PARD3: variants seen among roughly 807,000 people sequenced by gnomAD.
PARD3 encodes par-3 family cell polarity regulator.
Under a neutral mutation model 155.4 loss-of-function variants are expected in PARD3, and 75 were observed. That is an observed-to-expected ratio of 0.48 (90% CI 0.40 to 0.58). PARD3 has a LOEUF of 0.58. Ranked by LOEUF, PARD3 falls within the 20% of genes least tolerant of loss-of-function variation. PARD3 has a pLI of 0.00. For missense variants in PARD3, 1,642 were observed against 1,721.7 expected (o/e 0.95, Z 0.82); for synonymous variants, 576 against 610.5 (o/e 0.94, Z 0.83).
At chr10:34,360,444 G>A (rs548653492) in intron 12 of PARD3, among the ~76,000 whole-genome samples, 185 bp from the exon 13 acceptor site, 1 of 152,260 alleles carries the variant, frequency 6.6e-6, no homozygotes, top group South Asian at 2.1e-4. Context: ...GGAACCAGCT[G>A]TTAATATTTT....
chr10:34,519,509 C>T (rs1015694331), intron 2 of PARD3, among the ~76,000 whole-genome samples: 1 of 151,898 alleles, frequency 6.6e-6, no homozygotes, highest in East Asian at 1.9e-4. Context: ...TGCTAATATA[C>T]TTCTTATAAA....
chr10:34,409,727 T>C (rs1030863532), intron 5 of PARD3, among the ~76,000 whole-genome samples: 4 of 152,212 alleles, frequency 2.6e-5, no homozygotes, highest in Non-Finnish European at 5.9e-5. Flanking sequence ...TTTTCAGAAG[T>C]GGCTTGCTTA....
At chr10:34,519,884 A>ACATAACATAAC (rs1564804151) in intron 2 of PARD3, among the ~76,000 whole-genome samples, 1 of 146,858 alleles carries the variant, frequency 6.8e-6, no homozygotes, top group Non-Finnish European at 1.5e-5. Flanking sequence ...ACATAACATA[A>ACATAACATAAC]AAATAGAAAA....
chr10:34,186,444 C>T (rs1019269777), intron 22 of PARD3, among the ~76,000 whole-genome samples: 2 of 151,882 alleles, frequency 1.3e-5, no homozygotes, highest in African/African-American at 4.8e-5. Context: ...CAGGTGCAGG[C>T]TGGAATTTGG....
chr10:34,644,739 A>AC (rs1214504717), intron 2 of PARD3, among the ~76,000 whole-genome samples: 3 of 152,164 alleles, frequency 2.0e-5, no homozygotes. Flanking sequence ...AATTTAGCAC[A>AC]CACAGGTCTG....
At chr10:34,605,502 C>T (rs1477755337) in intron 2 of PARD3, among the ~76,000 whole-genome samples, 2 of 121,476 alleles carry the variant, frequency 1.6e-5, no homozygotes, top group East Asian at 4.7e-4. Context: ...CAAAAATACT[C>T]TTAAATATAT....
At position 34,687,028 on chromosome 10, in the gene PARD3, G is replaced by A. The variant is rs539221282; in HGVS notation, c.222+9290C>T. 1.8e-4 allele frequency among the ~76,000 whole-genome samples: 28 copies of A among 152,028 alleles called. No individual in the cohort carries two copies. In the East Asian group the frequency reaches 3.5e-3, roughly 19 times the overall value. Reference sequence around the variant, plus strand: ...AGCGCCACTGCACTCCAGTCCGGGCGACAGAGCAAGACTCTGTCTCAAAAA... The same window carrying A: ...AGCGCCACTGCACTCCAGTCCGGGCAACAGAGCAAGACTCTGTCTCAAAAA... On this transcript the variant is annotated intron_variant, in intron 2 of 24. Transcript: ENST00000374788.
chr10:34,776,049 A>T (rs1839491918), intron 1 of PARD3, among the ~76,000 whole-genome samples: 1 of 152,188 alleles, frequency 6.6e-6, no homozygotes. Context: ...ACACAGTAAG[A>T]CCTTGTCTCT....
At chr10:34,122,761 A>G (rs955800003) in intron 23 of PARD3, among the ~76,000 whole-genome samples, 11 of 152,212 alleles carry the variant, frequency 7.2e-5, no homozygotes, top group Admixed American at 6.5e-4. Flanking sequence ...CTGAATAAAA[A>G]TCACCCCTCT....
chr10:34,424,752 T>C (rs1170120174), intron 5 of PARD3, among the ~76,000 whole-genome samples: 1 of 152,070 alleles, frequency 6.6e-6, no homozygotes, highest in Non-Finnish European at 1.5e-5. Flanking sequence ...TGACCTCAGG[T>C]GATCCACCCA....
At chr10:34,427,222 C>T (rs997792109) in intron 5 of PARD3, among the ~76,000 whole-genome samples, 3 of 152,210 alleles carry the variant, frequency 2.0e-5, no homozygotes, top group African/African-American at 7.2e-5. Context: ...GTGGGCCGGG[C>T]ATATTTCTCT....
chr10:34,609,741 C>T (rs1176213571), intron 2 of PARD3, among the ~76,000 whole-genome samples: 2 of 152,062 alleles, frequency 1.3e-5, no homozygotes, highest in African/African-American at 2.4e-5. Flanking sequence ...AACAAAAAAC[C>T]TGTTGTGCAG....
intron 5 of PARD3, among the ~76,000 whole-genome samples, chr10:34,431,935 G>A (rs1473310279): frequency 5.4e-5 from 8 of 148,314 alleles, no homozygotes; most frequent in Non-Finnish European, 1.0e-4. Flanking sequence ...CCAGCTACTC[G>A]GGAGGCTGAG....
intron 1 of PARD3, among the ~76,000 whole-genome samples, chr10:34,712,028 GT>G (rs2094456006): frequency 6.6e-6 from 1 of 152,186 alleles, no homozygotes; most frequent in South Asian, 2.1e-4. Context: ...GGTCCCCAGT[GT>G]GACTGGCCAG....
At chr10:34,227,858 AT>A (rs1952693634) in intron 22 of PARD3, among the ~76,000 whole-genome samples, 5 of 60,008 alleles carry the variant, frequency 8.3e-5, no homozygotes, top group Non-Finnish European at 1.7e-4. Context: ...ATTATTTTTT[AT>A]ATATATATAT....
intron 22 of PARD3, among the ~76,000 whole-genome samples, chr10:34,231,911 C>A (rs1178609279): frequency 6.6e-6 from 1 of 152,028 alleles, no homozygotes; most frequent in Non-Finnish European, 1.5e-5. Flanking sequence ...ATAAAAATAG[C>A]ACTTTGACCA....
intron 1 of PARD3, among the ~76,000 whole-genome samples, chr10:34,805,543 A>ATC (rs1491350408): frequency 2.5e-5 from 1 of 39,824 alleles, no homozygotes; most frequent in Admixed American, 2.4e-4. Flanking sequence ...ACGTATGTGC[A>ATC]TATATATATA....
At chr10:34,139,304 G>T (rs184212776) in intron 22 of PARD3, among the ~76,000 whole-genome samples, 1 of 152,256 alleles carries the variant, frequency 6.6e-6, no homozygotes, top group East Asian at 1.9e-4. Context: ...TTCACAGGAG[G>T]TTCTTGCACT....
intron 3 of PARD3, among the ~76,000 whole-genome samples, chr10:34,483,310 C>T (rs1180313511): frequency 2.0e-5 from 3 of 151,946 alleles, no homozygotes; most frequent in Non-Finnish European, 4.4e-5. Context: ...AGTGAGACCT[C>T]GTCTCTACAA....
Sources: gnomAD v4.1 joint callset for allele counts (sites outside exome capture counted in the v4.1 genomes callset) on GRCh38, gnomAD v4.1.1 for gene constraint, MANE v1.5 for transcripts, NCBI Gene and HGNC (gene_info 2026-07-23, HGNC 2026-07-21) for gene names.